Variants in STX8 observed in about 807,000 individuals in gnomAD.
STX8 encodes the protein syntaxin-8.
Under a neutral mutation model 37.5 loss-of-function variants are expected in STX8, and 23 were observed. The ratio of observed to expected loss-of-function variants is 0.61; its 90% CI spans 0.44 to 0.87. The LOEUF is 0.87. STX8 is among the 40% of genes least tolerant of loss of function. STX8 has a pLI of 0.00. For missense variants in STX8, 313 were observed against 284.7 expected, an observed-to-expected ratio of 1.10 and a Z score of -0.71; for synonymous variants, 115 against 99.1, an observed-to-expected ratio of 1.16 and a Z score of -0.95.
At chr17:9,311,717 G>A (rs916359949) in intron 7 of STX8, among the ~76,000 whole-genome samples, 3 of 152,164 alleles carry the variant, frequency 2.0e-5, no homozygotes, top group African/African-American at 7.2e-5. Context: ...CTTCATCTGC[G>A]AATGTGGATA....
chr17:9,440,827 AT>A (rs140873719), intron 6 of STX8, among the ~76,000 whole-genome samples: 1 of 151,730 alleles, frequency 6.6e-6, no homozygotes. Flanking sequence ...ATCCAGCCTG[AT>A]TTTTTTTTAA....
chr17:9,518,729 G>A (rs145345652), intron 4 of STX8, among the ~76,000 whole-genome samples: 4,999 of 152,154 alleles, frequency 0.033, 247 homozygotes, highest in African/African-American at 0.11. Flanking sequence ...TTAGCTGGGC[G>A]TAGTGGTGGG....
intron 6 of STX8, among the ~76,000 whole-genome samples, chr17:9,444,889 T>C (rs905544761): frequency 6.6e-6 from 1 of 152,160 alleles, no homozygotes; most frequent in Non-Finnish European, 1.5e-5. Context: ...AGAGATATGT[T>C]ACAGAGGGGT....
intron 6 of STX8, among the ~76,000 whole-genome samples, chr17:9,402,273 C>T (rs1466715716): frequency 6.6e-6 from 1 of 152,060 alleles, no homozygotes; most frequent in East Asian, 1.9e-4. Context: ...GCATGCACCA[C>T]CATGTCTGGC....
At chr17:9,517,409 A>T (rs1046064596) in intron 4 of STX8, among the ~76,000 whole-genome samples, 3 of 152,238 alleles carry the variant, frequency 2.0e-5, no homozygotes, top group African/African-American at 7.2e-5. Flanking sequence ...AGTTGTCAGG[A>T]AATTACAGTA....
At chr17:9,497,045 A>AT (rs1185730814) in intron 5 of STX8, among the ~76,000 whole-genome samples, 1 of 152,180 alleles carries the variant, frequency 6.6e-6, no homozygotes, top group Non-Finnish European at 1.5e-5. Context: ...TTTTTTAAAA[A>AT]TCCCCTTGAA....
intron 7 of STX8, among the ~76,000 whole-genome samples, chr17:9,344,663 A>T (rs1910476276): frequency 6.6e-6 from 1 of 152,016 alleles, no homozygotes; most frequent in African/African-American, 2.4e-5. Context: ...GCACAATGCC[A>T]CCTCATGTAG....
chr17:9,257,937 T>C (rs8079906), intron 7 of STX8, among the ~76,000 whole-genome samples: 151,199 of 152,352 alleles, frequency 0.99, 75,026 homozygotes, highest in East Asian at 1. Context: ...TGCGGTGAGC[T>C]GAGATTGCGC....
chr17:9,485,582 T>G (rs999688973), intron 6 of STX8, among the ~76,000 whole-genome samples: 26 of 135,716 alleles, frequency 1.9e-4, no homozygotes, highest in Admixed American at 5.8e-4. Context: ...TTTGTTTTTT[T>G]GTTTTTTGGT....
intron 7 of STX8, among the ~76,000 whole-genome samples, chr17:9,260,302 G>C (rs1207735933): frequency 6.6e-6 from 1 of 151,742 alleles, no homozygotes; most frequent in Non-Finnish European, 1.5e-5. Context: ...CAGCCTGGGT[G>C]ACAGAGTGAG....
chr17:9,437,928 C>A (rs1422547388), intron 6 of STX8: 1 of 152,130 alleles, frequency 6.6e-6, no homozygotes, highest in Admixed American at 6.5e-5. Context: ...GGTACTTATT[C>A]TGGCCTTTGA....
chr17:9,252,619 AAAAAAAG>A, intron 7 of STX8, among the ~76,000 whole-genome samples: 1 of 140,876 alleles, frequency 7.1e-6, no homozygotes, highest in East Asian at 2.1e-4. Flanking sequence ...CAAAAAAAAA[AAAAAAAG>A]AAAACGAAAA....
intron 6 of STX8, among the ~76,000 whole-genome samples, chr17:9,455,313 C>T (rs370327364): frequency 8.5e-5 from 13 of 152,100 alleles, no homozygotes; most frequent in African/African-American, 2.9e-4. Flanking sequence ...TCCTGCCTAA[C>T]ACGGTGAAAC....
chr17:9,530,331 G>T (rs1452296789), intron 4 of STX8, among the ~76,000 whole-genome samples: 2 of 148,356 alleles, frequency 1.3e-5, no homozygotes, highest in East Asian at 4.0e-4. Flanking sequence ...AAAAAAAACA[G>T]CACTGCTATA....
intron 4 of STX8, among the ~76,000 whole-genome samples, chr17:9,506,336 A>G (rs1159130524): frequency 6.6e-6 from 1 of 151,934 alleles, no homozygotes; most frequent in African/African-American, 2.4e-5. Context: ...AGATTCATGA[A>G]AAATCATAGA....
chr17:9,317,641 C>T (rs946387005), intron 7 of STX8, among the ~76,000 whole-genome samples: 1 of 152,072 alleles, frequency 6.6e-6, no homozygotes, highest in Non-Finnish European at 1.5e-5. Context: ...TGGCAGGCAC[C>T]TGTAGTCCCA....
At chr17:9,487,674 G>A (rs1439163981) in intron 6 of STX8, among the ~76,000 whole-genome samples, 1 of 152,084 alleles carries the variant, frequency 6.6e-6, no homozygotes, top group Non-Finnish European at 1.5e-5. Context: ...CCTCCTATTT[G>A]TATATGTACA....
At chr17:9,558,795 C>T (rs929917876) in intron 2 of STX8, among the ~76,000 whole-genome samples, 1 of 151,622 alleles carries the variant, frequency 6.6e-6, no homozygotes, top group Non-Finnish European at 1.5e-5. Context: ...TGCACTCCAG[C>T]CTGGGCGACA....
chr17:9,341,523 GT>G (rs1910358150), intron 7 of STX8, among the ~76,000 whole-genome samples: 2 of 152,204 alleles, frequency 1.3e-5, no homozygotes, highest in South Asian at 4.1e-4. Context: ...TGCAACCTCT[GT>G]CTCCTGGGTT....
Sources: allele counts gnomAD v4.1 joint callset (sites outside exome capture counted in the v4.1 genomes callset), GRCh38; gene constraint gnomAD v4.1.1; transcripts MANE v1.5; gene names NCBI Gene and HGNC (gene_info 2026-07-23, HGNC 2026-07-21).